ELAVL4: variants seen among roughly 807,000 people sequenced by gnomAD.
ELAVL4 encodes ELAV-like protein 4.
In ELAVL4, 1 loss-of-function variant was observed where a neutral mutation model predicts 35.6. That is an observed-to-expected ratio of 0.03 (90% CI 0.01 to 0.13). The LOEUF (loss-of-function observed/expected upper bound fraction) is 0.13. Among genes scored for constraint, ELAVL4 ranks in the 10% least tolerant of loss-of-function variants. ELAVL4 has a pLI of 1.00. For missense variants in ELAVL4, 267 were observed against 464.9 expected (o/e 0.57, Z 3.91); for synonymous variants, 156 against 171.0 (o/e 0.91, Z 0.69).
At chr1:50,169,368 G>A (rs1259038911) in intron 2 of ELAVL4, among the ~76,000 whole-genome samples, 1 of 152,014 alleles carries the variant, frequency 6.6e-6, no homozygotes, top group Non-Finnish European at 1.5e-5. Flanking sequence ...TCAAGTTGAC[G>A]CTCAGTATTA....
chr1:50,092,168 CAT>C, intron 1 of ELAVL4, among the ~76,000 whole-genome samples: 1 of 152,242 alleles, frequency 6.6e-6, no homozygotes, highest in South Asian at 2.1e-4. Flanking sequence ...GATACAAGTA[CAT>C]ATATAGACAA....
At chr1:50,058,222 C>T (rs558342877) in intron 1 of ELAVL4, among the ~76,000 whole-genome samples, 7 of 152,208 alleles carry the variant, frequency 4.6e-5, no homozygotes, top group South Asian at 2.1e-4. Flanking sequence ...CTGTGGGAGA[C>T]GTTCTCCAAT....
rs188580170 is a variant in ELAVL4, at chr1:50,175,160, A to G, written c.251-1929A>G. ...AATACTTTTGTACAGCAATTTTTAA[A>G]GCTTCTCATATATGCAAGGTAAATA... is the stretch of plus-strand genomic sequence containing the variant. On this transcript the variant is annotated intron_variant, in intron 2 of 6. Transcript: ENST00000371824. Among the ~76,000 whole-genome samples the G allele has an allele frequency of 5.4e-4, 82 of 152,278 alleles. 2 individuals are homozygous for G. In the East Asian group the frequency reaches 0.015, roughly 28 times the overall value.
At chr1:50,077,470 G>A (rs1452735839) in intron 1 of ELAVL4, among the ~76,000 whole-genome samples, 1 of 152,166 alleles carries the variant, frequency 6.6e-6, no homozygotes, top group African/African-American at 2.4e-5. Context: ...TCAACTGATT[G>A]GATGAGGCCC....
intron 1 of ELAVL4, among the ~76,000 whole-genome samples, chr1:50,086,323 G>C (rs1665239071): frequency 6.6e-6 from 1 of 151,772 alleles, no homozygotes; most frequent in Non-Finnish European, 1.5e-5. Context: ...TGTTGAAATT[G>C]TATGAAATGT....
intron 1 of ELAVL4, among the ~76,000 whole-genome samples, chr1:50,123,554 G>A (rs949849605): frequency 1.3e-5 from 2 of 151,990 alleles, no homozygotes; most frequent in African/African-American, 4.8e-5. Flanking sequence ...CAGTGTATTT[G>A]CTATAAGCAC....
intron 1 of ELAVL4, among the ~76,000 whole-genome samples, chr1:50,134,240 G>T (rs1462683170): frequency 6.6e-6 from 1 of 152,140 alleles, no homozygotes; most frequent in Non-Finnish European, 1.5e-5. Context: ...CACTAGCCAG[G>T]CATTTTATAA....
rs1479304766 is a variant in ELAVL4, at chr1:50,155,641, T to C, written c.250+10444T>C. ...TGCCTGCTGCCCTGAACTGAGGTAT[T>C]ACTGAAGTATTACTGCTTTCTGAGT... is the stretch of plus-strand genomic sequence containing the variant. On this transcript the variant is annotated intron_variant, in intron 2 of 6. Coordinates refer to ENST00000371824, the MANE Select transcript of ELAVL4 (RefSeq NM_001144774.3). Among the ~76,000 whole-genome samples, 3 of 152,166 alleles carry C rather than the reference T, an allele frequency of 2.0e-5. No homozygotes were observed. The East Asian group carries it at 5.8e-4, about 29-fold the overall frequency.
chr1:50,133,552 A>G (rs1426543762), intron 1 of ELAVL4, among the ~76,000 whole-genome samples: 1 of 151,340 alleles, frequency 6.6e-6, no homozygotes, highest in Non-Finnish European at 1.5e-5. Flanking sequence ...TCTAACATTT[A>G]TCTCTTATAA....
intron 2 of ELAVL4, 75 bp from the exon 3 acceptor site, chr1:50,177,014 C>T: frequency 5.6e-6 from 7 of 1,247,514 alleles, no homozygotes; most frequent in Non-Finnish European, 8.1e-6. Context: ...AGATACTGAG[C>T]ATGCTCTCTC....
At chr1:50,048,151 G>C (rs1351329797) in exon 1 of ELAVL4, 3 of 1,520,598 alleles carry the variant, frequency 2.0e-6, no homozygotes, top group Non-Finnish European at 2.6e-6. Context: ...GGGCCGGATC[G>C]CCCGGCGGGG....
At chr1:50,064,773 T>C (rs1159307702) in intron 1 of ELAVL4, among the ~76,000 whole-genome samples, 1 of 152,216 alleles carries the variant, frequency 6.6e-6, no homozygotes, top group Non-Finnish European at 1.5e-5. Flanking sequence ...CACTTTGAAC[T>C]CTGGAATCTG....
intron 1 of ELAVL4, among the ~76,000 whole-genome samples, chr1:50,111,987 A>T (rs1327851797): frequency 6.6e-6 from 1 of 152,154 alleles, no homozygotes; most frequent in Non-Finnish European, 1.5e-5. Flanking sequence ...TGAGAGATTT[A>T]AAAATGCTGA....
chr1:50,139,920 C>T (rs934864162), intron 1 of ELAVL4, among the ~76,000 whole-genome samples: 2 of 152,126 alleles, frequency 1.3e-5, no homozygotes, highest in African/African-American at 2.4e-5. Context: ...TTCAAACCAT[C>T]GACATTTACG....
intron 1 of ELAVL4, among the ~76,000 whole-genome samples, chr1:50,079,146 C>T (rs955786605): frequency 2.6e-4 from 40 of 152,198 alleles, no homozygotes; most frequent in African/African-American, 9.2e-4. Flanking sequence ...AGACTGGTCT[C>T]GAACTCCTGG....
At chr1:50,056,176 C>T (rs1663658333) in intron 1 of ELAVL4, among the ~76,000 whole-genome samples, 1 of 152,130 alleles carries the variant, frequency 6.6e-6, no homozygotes, top group Non-Finnish European at 1.5e-5. Flanking sequence ...AGTTGAGGAT[C>T]TTACTCAGGT....
intron 3 of ELAVL4, among the ~76,000 whole-genome samples, chr1:50,178,610 A>G (rs976209221): frequency 1.3e-5 from 2 of 152,196 alleles, no homozygotes; most frequent in African/African-American, 4.8e-5. Context: ...ATCATTTCCT[A>G]TGAGTTCTCT....
At chr1:50,175,616 G>A (rs1349880789) in intron 2 of ELAVL4, 1 of 152,194 alleles carries the variant, frequency 6.6e-6, no homozygotes, top group Non-Finnish European at 1.5e-5. Flanking sequence ...TAATGGAAGT[G>A]TCATTTTGGG....
chr1:50,133,869 T>G (rs1384375188), intron 1 of ELAVL4, among the ~76,000 whole-genome samples: 3 of 152,170 alleles, frequency 2.0e-5, no homozygotes, highest in African/African-American at 7.2e-5. Context: ...AGAACCATTT[T>G]ATTTCACTTA....
Sources: allele counts gnomAD v4.1 joint callset (sites outside exome capture counted in the v4.1 genomes callset), GRCh38; gene constraint gnomAD v4.1.1; transcripts MANE v1.5; gene names NCBI Gene and HGNC (gene_info 2026-07-23, HGNC 2026-07-21).